Variants in ELP1 observed in about 807,000 individuals in gnomAD.
ELP1 encodes elongator acetyltransferase complex subunit 1, also known as elongator complex protein 1.
In ELP1, 131 loss-of-function variants were observed where a neutral mutation model predicts 183.2. That is an observed-to-expected ratio of 0.72 (90% CI 0.62 to 0.83). ELP1 has a LOEUF of 0.83. ELP1 is among the 40% of genes least tolerant of loss of function. The pLI is 0.00. For synonymous variants in ELP1, 555 were observed against 569.0 expected, an observed-to-expected ratio of 0.98 and a Z score of 0.35; for missense variants, 1,550 against 1,594.9, an observed-to-expected ratio of 0.97 and a Z score of 0.48.
chr9:108,911,063 C>T lies in ELP1; in HGVS notation c.1307G>A (p.Ser436Asn), dbSNP rs1243110226. 1.2e-5 allele frequency: 19 copies of T among 1,613,986 alleles called. No individual in the cohort carries two copies. Among genetic ancestry groups the T allele is most frequent in the African/African-American group, 2.7e-5 (2 of 74,900 alleles). ...GGCATCTAGAACAGCAAGGTCATTACTCTTTTGAGGGTGTGCTAAGAATGT... is the reference window on the plus strand; with the variant it reads ...GGCATCTAGAACAGCAAGGTCATTATTCTTTTGAGGGTGTGCTAAGAATGT... ...QVTFLAHPQK[S>N]NDLAVLDASN... The change falls in exon 12 of 37, where the codon AGT (serine) becomes AAT (asparagine). Residue 436 changes from serine to asparagine, a missense_variant. By Grantham distance (46) the Ser-to-Asn change is conservative. Coordinates refer to ENST00000374647, the MANE Select transcript of ELP1 (RefSeq NM_003640.5).
chr9:108,926,048 C>T (rs184219618), intron 5 of ELP1, among the ~76,000 whole-genome samples: 2 of 152,324 alleles, frequency 1.3e-5, no homozygotes, highest in African/African-American at 2.4e-5. Context: ...GCTTAATAAG[C>T]GTCTCTCTTC....
Position 108,893,967 on chromosome 9 carries a change from C to T in ELP1, c.2836G>A (p.Ala946Thr). 1 of 1,613,632 alleles carries T rather than the reference C, an allele frequency of 6.2e-7. No homozygotes were observed. The highest frequency in any genetic ancestry group is 8.5e-7 in the Non-Finnish European group (1 of 1,179,738). ...IDKYLKRYEK[A>T]IGHLSKCGPE... ...CCACATTTGCTGAGGTGGCCAATGGCTTTTTCATATCGTTTCAAGTATTTG... is the reference window on the plus strand; with the variant it reads ...CCACATTTGCTGAGGTGGCCAATGGTTTTTTCATATCGTTTCAAGTATTTG... Residue 946 changes from alanine to threonine, a missense_variant, in exon 26 of 37, where the codon GCC becomes ACC. Ala to Thr is a moderately conservative substitution (Grantham distance 58, BLOSUM62 0). Coordinates refer to ENST00000374647, the MANE Select transcript of ELP1 (RefSeq NM_003640.5).
At chr9:108,892,576 A>T (rs2131972430) in intron 27 of ELP1, among the ~76,000 whole-genome samples, 1 of 152,316 alleles carries the variant, frequency 6.6e-6, no homozygotes, top group South Asian at 2.1e-4. Context: ...GCACCCTATG[A>T]GGCTGTTAAG....
chr9:108,904,591 T>C (rs1034720105), intron 14 of ELP1, among the ~76,000 whole-genome samples: 3 of 152,214 alleles, frequency 2.0e-5, no homozygotes, highest in Non-Finnish European at 4.4e-5. Flanking sequence ...ATAAATTATC[T>C]GTCAAGAAGA....
At chr9:108,930,491 C>A (rs565602863) in intron 2 of ELP1, among the ~76,000 whole-genome samples, 2 of 152,026 alleles carry the variant, frequency 1.3e-5, no homozygotes, top group African/African-American at 4.8e-5. Context: ...GAGATCAAGA[C>A]CATCCTGGCT....
intron 10 of ELP1, 81 bp from the exon 11 acceptor site, chr9:108,912,575 T>C: frequency 4.1e-6 from 4 of 986,234 alleles, no homozygotes; most frequent in Non-Finnish European, 6.5e-6. Flanking sequence ...TCAAGGGCAA[T>C]CTTTTCTTTT....
intron 19 of ELP1, 59 bp from the exon 20 acceptor site, chr9:108,899,954 G>T: frequency 7.4e-7 from 1 of 1,351,308 alleles, no homozygotes; most frequent in Non-Finnish European, 1.1e-6. Flanking sequence ...AAATAGCCAG[G>T]ATACACCATT....
chr9:108,916,735 T>C (rs1326990518), intron 9 of ELP1, among the ~76,000 whole-genome samples: 2 of 152,222 alleles, frequency 1.3e-5, no homozygotes, highest in Admixed American at 6.5e-5. Context: ...AGTATATATA[T>C]GTATAGGCCA....
In ELP1 at chr9:108,930,901, A is replaced by G. The variant is rs143213701; in HGVS notation, c.150+96T>C. 1.8e-4 allele frequency: 209 copies of G among 1,169,452 alleles called. No homozygotes were observed. The African/African-American group carries it at 2.4e-3, about 13-fold the overall frequency. 72.4% of individuals were successfully genotyped at this position (1,169,452 alleles called of 1,614,324 possible). A position where few individuals can be genotyped will look rare whatever the true frequency, so the allele number is the denominator to read the frequency against. ...GTTTATTTGGGAGGATATAAATTCA[A>G]TAAGATATAAAGAAAGACCATGTGG... On this transcript the variant is annotated intron_variant, in intron 2 of 36. Transcript: ENST00000374647.
rs747349523 is a variant in ELP1 at position 108,919,295 on chromosome 9, C to A, written c.607G>T (p.Asp203Tyr). Residue 203 changes from aspartate (D) to tyrosine (Y), a missense_variant, in exon 7 of 37, where the codon GAT (aspartate) becomes TAT (tyrosine). Coordinates refer to ENST00000374647, the MANE Select transcript of ELP1 (RefSeq NM_003640.5). ...DHRPQVTWRGDGQFFAVSVVC... is the reference protein window; with the variant it reads ...DHRPQVTWRGYGQFFAVSVVC... ...ACACTCACAGCAAAAAACTGTCCATCCCCCCGCCAGGTAACTTGTGGTCTA... is the reference window on the plus strand; with the variant it reads ...ACACTCACAGCAAAAAACTGTCCATACCCCCGCCAGGTAACTTGTGGTCTA... 6.2e-7 allele frequency: 1 copy of A among 1,613,606 alleles called. No homozygotes were observed. The highest frequency in any genetic ancestry group is 8.5e-7 in the Non-Finnish European group (1 of 1,179,652).
At chr9:108,896,243 T>C (rs1828540972) in intron 25 of ELP1, among the ~76,000 whole-genome samples, 1 of 151,858 alleles carries the variant, frequency 6.6e-6, no homozygotes, top group Admixed American at 6.6e-5. Flanking sequence ...GGCGACTGAG[T>C]GAGACTCCGT....
At chr9:108,923,066 T>C in intron 5 of ELP1, 139 bp from the exon 6 acceptor site, 1 of 743,360 alleles carries the variant, frequency 1.3e-6, no homozygotes, top group South Asian at 1.4e-5. Flanking sequence ...CAGCAGTCAA[T>C]ATTTGAGAAA....
At position 108,913,786 on chromosome 9, in the gene ELP1, A is replaced by G. The variant is rs544766906; in HGVS notation, c.959-1292T>C. Among the ~76,000 whole-genome samples, 8 of 152,254 alleles carry G rather than the reference A, an allele frequency of 5.3e-5. 1 individual carries two copies. The highest frequency in any genetic ancestry group is 1.9e-4 in the African/African-American group (8 of 41,546). Reference sequence around the variant, plus strand: ...CTCAGCCTCCCGAGTAGCTAGGACTACAGGCGCGCACCACCACGCCGGACT... The same window carrying G: ...CTCAGCCTCCCGAGTAGCTAGGACTGCAGGCGCGCACCACCACGCCGGACT... On this transcript the variant is annotated intron_variant, in intron 10 of 36. Transcript: ENST00000374647.
chr9:108,912,131 C>G, intron 11 of ELP1, 133 bp downstream of exon 11: 1 of 747,142 alleles, frequency 1.3e-6, no homozygotes, highest in African/African-American at 1.7e-5. Flanking sequence ...ATATCCCATT[C>G]AATAAAAAAA....
In ELP1 at chr9:108,868,556, G is replaced by A; in HGVS notation, c.*559C>T. The A allele has an allele frequency of 2.3e-6, 1 of 434,086 alleles. No homozygotes were observed. Among genetic ancestry groups the A allele is most frequent in the South Asian group, 8.7e-5 (1 of 11,558 alleles). 26.9% of individuals were successfully genotyped at this position (434,086 alleles called of 1,614,324 possible). A position where few individuals can be genotyped will look rare whatever the true frequency, so the allele number is the denominator to read the frequency against. On this transcript the variant is annotated 3_prime_UTR_variant, in exon 37 of 37. Coordinates refer to ENST00000374647, the MANE Select transcript of ELP1 (RefSeq NM_003640.5). ...CCCTATAGACATTGTAATTATAGGA[G>A]GCTCAGCCCAGTTATAACTGAAAGC...
intron 10 of ELP1, among the ~76,000 whole-genome samples, chr9:108,914,270 G>T (rs1829345430): frequency 6.6e-6 from 1 of 151,608 alleles, no homozygotes; most frequent in Admixed American, 6.6e-5. Flanking sequence ...TTGGTGGCGG[G>T]CGCCTGTAGA....
chr9:108,878,311 A>G (rs973005168), intron 34 of ELP1, among the ~76,000 whole-genome samples, 162 bp from the exon 35 acceptor site: 9 of 152,170 alleles, frequency 5.9e-5, no homozygotes, highest in African/African-American at 2.2e-4. Flanking sequence ...AATTAAACAC[A>G]TGTACTACAA....
At chr9:108,913,341 A>G (rs1554699734) in intron 10 of ELP1, among the ~76,000 whole-genome samples, 1 of 152,218 alleles carries the variant, frequency 6.6e-6, no homozygotes, top group Non-Finnish European at 1.5e-5. Context: ...GATAAGCATG[A>G]AATTATCCTT....
In ELP1 at chr9:108,908,395, G is replaced by A; in HGVS notation, c.1370C>T (p.Pro457Leu). The change falls in exon 13 of 37, where the codon CCA becomes CTA. Residue 457 changes from proline (P) to leucine (L), a missense_variant. Physicochemically the swap from Pro to Leu is moderately conservative, Grantham distance 98. Coordinates refer to ENST00000374647, the MANE Select transcript of ELP1 (RefSeq NM_003640.5). Reference protein sequence around the residue: ...QISVYKCGDCPSADPTVKLGA... With the variant: ...QISVYKCGDCLSADPTVKLGA... ...CAGTTTCACTGTAGGGTCAGCACTT[G>A]GACAATCACCTGGAAAACAAAAATG... 6.2e-7 allele frequency: 1 copy of A among 1,613,674 alleles called. No homozygotes were observed. The highest frequency in any genetic ancestry group is 8.5e-7 in the Non-Finnish European group (1 of 1,179,674).
Sources: gnomAD v4.1 joint callset for allele counts (sites outside exome capture counted in the v4.1 genomes callset) on GRCh38, gnomAD v4.1.1 for gene constraint, MANE v1.5 for transcripts, NCBI Gene and HGNC (gene_info 2026-07-23, HGNC 2026-07-21) for gene names.